KCNE2: variants seen among roughly 807,000 people sequenced by gnomAD.
KCNE2 encodes the protein potassium voltage-gated channel subfamily E member 2.
A neutral mutation model predicts 4.5 loss-of-function variants in KCNE2; 4 were observed. The ratio of observed to expected loss-of-function variants is 0.89; its 90% CI spans 0.44 to 2.03. KCNE2 has a LOEUF of 2.03. KCNE2 is among the 30% of genes most tolerant of loss of function. The pLI is 0.03. For missense variants in KCNE2, 137 were observed against 151.4 expected, an observed-to-expected ratio of 0.90 and a Z score of 0.50; for synonymous variants, 57 against 55.9, an observed-to-expected ratio of 1.02 and a Z score of -0.09.
intron 1 of KCNE2, among the ~76,000 whole-genome samples, chr21:34,365,026 T>A (rs962928930): frequency 6.6e-6 from 1 of 152,170 alleles, no homozygotes; most frequent in Non-Finnish European, 1.5e-5. Context: ...CAGTGAGTTA[T>A]TGGAATGTGT....
chr21:34,369,202 C>A (rs902380420), intron 1 of KCNE2, among the ~76,000 whole-genome samples: 2 of 152,142 alleles, frequency 1.3e-5, no homozygotes, highest in African/African-American at 4.8e-5. Context: ...ATTTTAAGAA[C>A]AACCATCGCA....
intron 1 of KCNE2, among the ~76,000 whole-genome samples, chr21:34,369,919 C>G (rs1469481883): frequency 6.6e-6 from 1 of 152,144 alleles, no homozygotes; most frequent in Admixed American, 6.5e-5. Flanking sequence ...CTCATAATGC[C>G]CCACAATTCT....
At chr21:34,364,948 A>T (rs1237841462) in intron 1 of KCNE2, among the ~76,000 whole-genome samples, 1 of 152,182 alleles carries the variant, frequency 6.6e-6, no homozygotes, top group Non-Finnish European at 1.5e-5. Flanking sequence ...TGACATGTGT[A>T]AGCTCAAATC....
rs935426484 is a variant in KCNE2 at position 34,366,585 on chromosome 21, G to A, written c.-13+2434G>A. On this transcript the variant is annotated intron_variant, in intron 1 of 1. Transcript: ENST00000290310. Reference sequence around the variant, plus strand: ...CGGGGGCTCAAGCTCTCCTGTCATCGGGACTCAGTTACTGAATCTCACTAA... The same window carrying A: ...CGGGGGCTCAAGCTCTCCTGTCATCAGGACTCAGTTACTGAATCTCACTAA... Among the ~76,000 whole-genome samples, 3 of 152,006 alleles carry A rather than the reference G, an allele frequency of 2.0e-5. No homozygotes were observed. In the South Asian group the frequency reaches 6.2e-4, roughly 31 times the overall value.
intron 1 of KCNE2, among the ~76,000 whole-genome samples, chr21:34,368,197 T>TCA (rs534677357): frequency 0.034 from 3,161 of 93,088 alleles, 83 homozygotes; most frequent in Non-Finnish European, 0.038. Flanking sequence ...AAACCAATAA[T>TCA]CACACACACA....
chr21:34,370,186 A>G (rs867367998), intron 1 of KCNE2, among the ~76,000 whole-genome samples: 4 of 152,234 alleles, frequency 2.6e-5, no homozygotes, highest in Admixed American at 6.5e-5. Flanking sequence ...ATATGTACAC[A>G]TACATTTATT....
intron 1 of KCNE2, among the ~76,000 whole-genome samples, chr21:34,368,258 A>ATATATATATATATG (rs1437734710): frequency 2.1e-5 from 2 of 96,238 alleles, no homozygotes; most frequent in South Asian, 4.0e-4. Context: ...ATATATATAT[A>ATATATATATATATG]TATGTATGTT....
chr21:34,369,348 G>A (rs1203569568), intron 1 of KCNE2, among the ~76,000 whole-genome samples: 2 of 152,104 alleles, frequency 1.3e-5, no homozygotes, highest in African/African-American at 2.4e-5. Context: ...TCAGGAGTTC[G>A]AGACCAGCCT....
intron 1 of KCNE2, among the ~76,000 whole-genome samples, chr21:34,369,714 A>G (rs1024776958): frequency 9.9e-5 from 15 of 152,186 alleles, no homozygotes; most frequent in Non-Finnish European, 7.3e-5. Context: ...GATGAAAAGG[A>G]GAGATGGATT....
rs1002775880 is a variant in KCNE2 at position 34,366,509 on chromosome 21, C to T, written c.-13+2358C>T. On this transcript the variant is annotated intron_variant, in intron 1 of 1. Transcript: ENST00000290310. ...TAGTAAAGATTTGCTACGTACCCAT[C>T]GCTGTGTAGGGTCCCGGGATTCAGA... Among the ~76,000 whole-genome samples, 17 of 152,048 alleles carry T rather than the reference C, an allele frequency of 1.1e-4. 1 individual carries two copies. The highest frequency in any genetic ancestry group is 5.8e-4 in the East Asian group (3 of 5,184).
Position 34,370,609 on chromosome 21 carries a change from AG to A in KCNE2, c.132del (p.Asn45ThrfsTer11). The stretch of plus-strand genomic sequence containing the variant: ...GCCCTCCAAGCCAAAGTTGATGCTG[AG>A]AACTTCTACTATGTCATCCTGTACC... Reference protein sequence around the residue: ...QEALQAKVDAENFYYVILYLM... With the variant: ...QEALQAKVDAXNFYYVILYLM... On this transcript the variant is annotated frameshift_variant, in exon 2 of 2. Transcript: ENST00000290310. LOFTEE classifies it high-confidence loss of function. 1 of 1,614,216 alleles carries A rather than the reference AG, an allele frequency of 6.2e-7. No individual in the cohort carries two copies. The highest frequency in any genetic ancestry group is 8.5e-7 in the Non-Finnish European group (1 of 1,180,042).
intron 1 of KCNE2, among the ~76,000 whole-genome samples, chr21:34,365,297 T>C (rs1329546835): frequency 1.3e-5 from 2 of 152,210 alleles, no homozygotes; most frequent in African/African-American, 4.8e-5. Flanking sequence ...TATTTGACCA[T>C]TTCTAACCTA....
chr21:34,368,229 A>ACACACT (rs781775671), intron 1 of KCNE2, among the ~76,000 whole-genome samples: 9 of 84,790 alleles, frequency 1.1e-4, no homozygotes, highest in African/African-American at 5.4e-4. Context: ...ACACACACAC[A>ACACACT]ATATATATAT....
chr21:34,368,679 A>T (rs1979451740), intron 1 of KCNE2, among the ~76,000 whole-genome samples: 1 of 152,204 alleles, frequency 6.6e-6, no homozygotes. Context: ...AAAAACAGAG[A>T]TGTATAAAAA....
chr21:34,367,061 A>AGACCTGG (rs1231434754), intron 1 of KCNE2, among the ~76,000 whole-genome samples: 1 of 150,206 alleles, frequency 6.7e-6, no homozygotes, highest in African/African-American at 2.4e-5. Flanking sequence ...GTCTCTGCCT[A>AGACCTGG]GACCTGGGGA....
chr21:34,364,380 T>C (rs577517827), intron 1 of KCNE2, among the ~76,000 whole-genome samples: 1 of 152,274 alleles, frequency 6.6e-6, no homozygotes, highest in East Asian at 1.9e-4. Flanking sequence ...TAAACGTAGG[T>C]AATCATATTG....
chr21:34,365,022 G>C (rs554827356), intron 1 of KCNE2, among the ~76,000 whole-genome samples: 2 of 152,324 alleles, frequency 1.3e-5, no homozygotes, highest in East Asian at 3.9e-4. Flanking sequence ...AAAACAGTGA[G>C]TTATTGGAAT....
chr21:34,366,808 T>C (rs1384336413), intron 1 of KCNE2, among the ~76,000 whole-genome samples: 1 of 150,674 alleles, frequency 6.6e-6, no homozygotes. Flanking sequence ...TGAAACCCCG[T>C]CTGTACTAAA....
chr21:34,370,369 C>A, intron 1 of KCNE2, 98 bp from the exon 2 acceptor site: 1 of 1,410,530 alleles, frequency 7.1e-7, no homozygotes, highest in Non-Finnish European at 1.0e-6. Flanking sequence ...AATACTATTA[C>A]TTATACCCTG....
Sources: gnomAD v4.1 joint callset for allele counts (sites outside exome capture counted in the v4.1 genomes callset) on GRCh38, gnomAD v4.1.1 for gene constraint, MANE v1.5 for transcripts, NCBI Gene and HGNC (gene_info 2026-07-23, HGNC 2026-07-21) for gene names.